Variants in PTPN21 observed in about 807,000 individuals in gnomAD.
PTPN21 encodes tyrosine-protein phosphatase non-receptor type 21.
PTPN21 carries 77 observed loss-of-function variants against 131.8 expected under a neutral mutation model. That is an observed-to-expected ratio of 0.58 (90% CI 0.49 to 0.71). PTPN21 has a LOEUF of 0.71. Ranked by LOEUF, PTPN21 falls within the 30% of genes least tolerant of loss-of-function variation. The probability of loss-of-function intolerance (pLI) is 0.00; values close to 1 mark genes in which losing one functional copy is unlikely to be tolerated. For missense variants in PTPN21, 1,552 were observed against 1,527.1 expected (o/e 1.02, Z -0.27); for synonymous variants, 715 against 621.3 (o/e 1.15, Z -2.24).
chr14:88,530,257 T>C (rs564994320), intron 2 of PTPN21, among the ~76,000 whole-genome samples: 53 of 135,056 alleles, frequency 3.9e-4, no homozygotes, highest in Admixed American at 1.1e-3. Context: ...AAGCCAGCAC[T>C]ACAAAAAATG....
At position 88,542,820 on chromosome 14, in the gene PTPN21, C is replaced by A. The variant is rs557789013; in HGVS notation, c.180+7418G>T. Reference sequence around the variant, plus strand: ...AAGCTTTCTCTATCTAGGTGAGAGGCCAACCAACCTAACATTATATTTGCT... The same window carrying A: ...AAGCTTTCTCTATCTAGGTGAGAGGACAACCAACCTAACATTATATTTGCT... On this transcript the variant is annotated intron_variant, in intron 2 of 18. Coordinates refer to ENST00000556564, the MANE Select transcript of PTPN21 (RefSeq NM_007039.4). Among the ~76,000 whole-genome samples, 3 of 152,232 alleles carry A rather than the reference C, an allele frequency of 2.0e-5. No individual in the cohort carries two copies. The South Asian group carries it at 6.2e-4, about 32-fold the overall frequency.
chr14:88,549,105 A>G (rs2078823147), intron 2 of PTPN21, among the ~76,000 whole-genome samples: 1 of 152,234 alleles, frequency 6.6e-6, no homozygotes. Flanking sequence ...CTGGCCTGTA[A>G]GAATATAGTC....
At position 88,500,891 on chromosome 14, in the gene PTPN21, G is replaced by A; in HGVS notation, c.676-20C>T. The A allele has an allele frequency of 1.3e-6, 2 of 1,564,858 alleles. No individual in the cohort carries two copies. Among genetic ancestry groups the A allele is most frequent in the South Asian group, 2.2e-5 (2 of 89,870 alleles). ...GCTATCCTACAAGGAGAAAGCAGAA[G>A]AAGAAACACCCAGGAAGCAGATGCA... is the stretch of plus-strand genomic sequence containing the variant. On this transcript the variant is annotated intron_variant, in intron 7 of 18. Coordinates refer to ENST00000556564, the MANE Select transcript of PTPN21 (RefSeq NM_007039.4).
Position 88,507,920 on chromosome 14 carries a change from TAC to T in PTPN21, c.448+1_448+2del, listed in dbSNP as rs1290279818. ...CATTTCATTATGAATTGATCTTATTTACCTTGAACAGCTAAGCCTGCTAGCTG... is the reference window on the plus strand; with the variant it reads ...CATTTCATTATGAATTGATCTTATTTCTTGAACAGCTAAGCCTGCTAGCTG... On this transcript the variant is annotated splice_donor_variant, in intron 4 of 18. Transcript: ENST00000556564. LOFTEE classifies it high-confidence loss of function. 1 of 1,558,476 alleles carries T rather than the reference TAC, an allele frequency of 6.4e-7. No individual in the cohort carries two copies. Among genetic ancestry groups the T allele is most frequent in the East Asian group, 2.2e-5 (1 of 44,450 alleles).
At chr14:88,553,439 A>G (rs986490310) in intron 1 of PTPN21, among the ~76,000 whole-genome samples, 1 of 152,176 alleles carries the variant, frequency 6.6e-6, no homozygotes, top group African/African-American at 2.4e-5. Context: ...GTGTAATACA[A>G]TTATGAATGT....
chr14:88,540,359 A>G (rs1403177104), intron 2 of PTPN21, among the ~76,000 whole-genome samples: 2 of 152,230 alleles, frequency 1.3e-5, no homozygotes, highest in South Asian at 2.1e-4. Context: ...GGCATGGAAT[A>G]TGGTCAGTAC....
At chr14:88,554,143 G>A (rs1403288342) in intron 1 of PTPN21, among the ~76,000 whole-genome samples, 2 of 152,158 alleles carry the variant, frequency 1.3e-5, no homozygotes, top group Admixed American at 6.5e-5. Flanking sequence ...GGCTTTCTCA[G>A]CAAAAAAGAA....
Position 88,485,800 on chromosome 14 carries a change from A to C in PTPN21, c.975T>G (p.Ser325=), listed in dbSNP as rs142843766. 398 of 1,608,562 alleles carry C rather than the reference A, an allele frequency of 2.5e-4. No individual in the cohort carries two copies. Among genetic ancestry groups the C allele is most frequent in the Non-Finnish European group, 3.0e-4 (358 of 1,175,512 alleles). The part of the protein sequence containing the change: ...TVTVNPIRRR[S]SSRMSLPKPQ... ...TTCTTACCAGAGACATCCTTGAAGAAGACCTCCTCCTGATTGGGTTCACTG... is the reference window on the plus strand; with the variant it reads ...TTCTTACCAGAGACATCCTTGAAGACGACCTCCTCCTGATTGGGTTCACTG... Residue 325 remains serine, a synonymous_variant, in exon 11 of 19, where the codon TCT becomes TCG. Coordinates refer to ENST00000556564, the MANE Select transcript of PTPN21 (RefSeq NM_007039.4).
At chr14:88,515,429 T>C (rs1045543205) in intron 3 of PTPN21, 3 of 152,188 alleles carry the variant, frequency 2.0e-5, no homozygotes, top group African/African-American at 7.2e-5. Flanking sequence ...CTGATCTACC[T>C]TCTATGATGG....
intron 12 of PTPN21, among the ~76,000 whole-genome samples, chr14:88,481,963 A>G (rs1275736098): frequency 1.3e-5 from 2 of 152,240 alleles, no homozygotes; most frequent in Non-Finnish European, 2.9e-5. Flanking sequence ...CATTCCAGAG[A>G]GAAGAGCCTC....
chr14:88,483,717 C>T (rs2077688077), intron 12 of PTPN21, among the ~76,000 whole-genome samples: 2 of 152,208 alleles, frequency 1.3e-5, no homozygotes, highest in Non-Finnish European at 2.9e-5. Flanking sequence ...TGCCTTTCTA[C>T]CTGCTGAAAT....
intron 8 of PTPN21, among the ~76,000 whole-genome samples, 196 bp downstream of exon 8, chr14:88,500,587 T>TA (rs1166618016): frequency 3.3e-5 from 5 of 152,194 alleles, no homozygotes; most frequent in African/African-American, 7.2e-5. Flanking sequence ...ACTCTGGACA[T>TA]AGAGTTTTGA....
chr14:88,554,486 C>T lies in PTPN21; in HGVS notation c.-203+165G>A, dbSNP rs142479042. ...AGTATATGAGAGCGAACCTGAAAAA[C>T]AAGACTTTTCTCTTTGTTACGCTCC... On this transcript the variant is annotated intron_variant, in intron 1 of 18. Transcript: ENST00000556564. Among the ~76,000 whole-genome samples, 65 of 152,286 alleles carry T rather than the reference C, an allele frequency of 4.3e-4. 1 individual carries two copies. In the East Asian group the frequency reaches 0.011, roughly 25 times the overall value.
chr14:88,540,218 A>C (rs1047772103), intron 2 of PTPN21, among the ~76,000 whole-genome samples: 2 of 152,192 alleles, frequency 1.3e-5, no homozygotes, highest in African/African-American at 4.8e-5. Context: ...AAAGAATACT[A>C]AAAAAGAGCT....
intron 10 of PTPN21, among the ~76,000 whole-genome samples, chr14:88,490,663 G>GT (rs1392002365): frequency 1.3e-5 from 2 of 152,174 alleles, no homozygotes; most frequent in Admixed American, 6.5e-5. Flanking sequence ...ACTCTAGTCA[G>GT]TCTCCTGATT....
At chr14:88,535,875 A>G (rs2078623755) in intron 2 of PTPN21, among the ~76,000 whole-genome samples, 1 of 152,228 alleles carries the variant, frequency 6.6e-6, no homozygotes, top group African/African-American at 2.4e-5. Flanking sequence ...CCTTGAGTCC[A>G]AATCTTCTGG....
At chr14:88,470,622 G>A (rs982830404) in intron 15 of PTPN21, among the ~76,000 whole-genome samples, 2 of 152,220 alleles carry the variant, frequency 1.3e-5, no homozygotes, top group Admixed American at 1.3e-4. Flanking sequence ...CCAATATTGA[G>A]TGACGACAAT....
chr14:88,522,080 C>A (rs758074438), intron 2 of PTPN21, among the ~76,000 whole-genome samples: 1 of 152,018 alleles, frequency 6.6e-6, no homozygotes, highest in Non-Finnish European at 1.5e-5. Flanking sequence ...AAATTATAGA[C>A]CATAGAAGAG....
intron 13 of PTPN21, among the ~76,000 whole-genome samples, chr14:88,475,899 G>T (rs1007002256): frequency 6.6e-6 from 1 of 152,188 alleles, no homozygotes; most frequent in African/African-American, 2.4e-5. Flanking sequence ...GAAGAATGTT[G>T]TATGTAGTCA....
Sources: allele counts gnomAD v4.1 joint callset (sites outside exome capture counted in the v4.1 genomes callset), GRCh38; gene constraint gnomAD v4.1.1; transcripts MANE v1.5; gene names NCBI Gene and HGNC (gene_info 2026-07-23, HGNC 2026-07-21).